Variants in VAPA observed in about 807,000 individuals in gnomAD.
VAPA encodes vesicle-associated membrane protein-associated protein A.
Under a neutral mutation model 25.6 loss-of-function variants are expected in VAPA, and 6 were observed. The observed-to-expected ratio is 0.23, with a 90% CI of 0.13 to 0.46. The LOEUF (loss-of-function observed/expected upper bound fraction) is 0.46, where lower values mean the gene tolerates loss of function less well. VAPA is among the 20% of genes least tolerant of loss of function. VAPA has a pLI of 0.99. For synonymous variants in VAPA, 112 were observed against 106.2 expected (o/e 1.05, Z -0.34); for missense variants, 244 against 302.1 (o/e 0.81, Z 1.43).
chr18:9,945,128 G>T, intron 4 of VAPA: 3 of 1,526,314 alleles, frequency 2.0e-6, no homozygotes, highest in Non-Finnish European at 2.7e-6. Flanking sequence ...TAGATACCTA[G>T]CAGATAAGTG....
At chr18:9,924,766 A>G (rs1437088205) in intron 1 of VAPA, 2 of 152,162 alleles carry the variant, frequency 1.3e-5, no homozygotes, top group African/African-American at 4.8e-5. Flanking sequence ...CATTTTGCCT[A>G]CAAATTCTAA....
intron 1 of VAPA, among the ~76,000 whole-genome samples, chr18:9,916,994 A>G (rs770379123): frequency 1.8e-4 from 27 of 152,190 alleles, no homozygotes; most frequent in Admixed American, 9.2e-4. Flanking sequence ...GACACCAACT[A>G]TTTCAGTACA....
chr18:9,921,839 A>T (rs532767061), intron 1 of VAPA, among the ~76,000 whole-genome samples: 1 of 152,344 alleles, frequency 6.6e-6, no homozygotes, highest in African/African-American at 2.4e-5. Flanking sequence ...TAAGTTTTAA[A>T]CGTTTGAAAA....
intron 4 of VAPA, chr18:9,945,098 T>G: frequency 1.2e-6 from 2 of 1,605,218 alleles, no homozygotes; most frequent in Non-Finnish European, 1.7e-6. Context: ...AGTCTACTAG[T>G]GTCAATGGTT....
Position 9,918,124 on chromosome 18 carries a change from A to G in VAPA, c.79+3789A>G, listed in dbSNP as rs1415023982. On this transcript the variant is annotated intron_variant, in intron 1 of 5. Coordinates refer to ENST00000400000, the MANE Select transcript of VAPA (RefSeq NM_194434.3). ...GAAAGAAAAACCCTGCTCATACCCA[A>G]GGTTCTTTGTTCCTCTATTTTTGCT... Among the ~76,000 whole-genome samples the G allele has an allele frequency of 2.6e-5, 4 of 152,162 alleles. No homozygotes were observed. In the South Asian group the frequency reaches 6.2e-4, roughly 24 times the overall value.
At chr18:9,953,928 C>G in intron 5 of VAPA, 125 bp from the exon 6 acceptor site, 1 of 1,131,840 alleles carries the variant, frequency 8.8e-7, no homozygotes, top group Non-Finnish European at 1.3e-6. Flanking sequence ...GCAGTTAATC[C>G]CCTTTTCCGT....
At position 9,954,394 on chromosome 18, in the gene VAPA, C is replaced by A; in HGVS notation, c.*183C>A. The stretch of plus-strand genomic sequence containing the variant: ...GAAAACACAATAAAAACAAACTGTT[C>A]GGCTACTGGACAGGTTGTATATTAC... On this transcript the variant is annotated 3_prime_UTR_variant, in exon 6 of 6. Coordinates refer to ENST00000400000, the MANE Select transcript of VAPA (RefSeq NM_194434.3). The A allele has an allele frequency of 1.8e-6, 1 of 569,260 alleles. No homozygotes were observed. Among genetic ancestry groups the A allele is most frequent in the South Asian group, 2.5e-5 (1 of 40,814 alleles). 35.3% of individuals were successfully genotyped at this position (569,260 alleles called of 1,614,324 possible).
chr18:9,940,109 C>T (rs541132402), intron 4 of VAPA, among the ~76,000 whole-genome samples: 2 of 152,288 alleles, frequency 1.3e-5, no homozygotes, highest in South Asian at 2.1e-4. Context: ...CATCCCACCT[C>T]GTGATGTACA....
chr18:9,945,033 G>A (rs148377459), intron 4 of VAPA: 1 of 1,614,118 alleles, frequency 6.2e-7, no homozygotes, highest in East Asian at 2.2e-5. Context: ...AGGGGACTCA[G>A]TGTGTTGAAA....
chr18:9,951,664 T>C (rs1253914986), intron 5 of VAPA, among the ~76,000 whole-genome samples: 1 of 152,134 alleles, frequency 6.6e-6, no homozygotes, highest in Non-Finnish European at 1.5e-5. Context: ...TCTCTAGGCT[T>C]TGTTTGAAGC....
chr18:9,955,578 G>T lies in VAPA; in HGVS notation c.*1367G>T, dbSNP rs534473481. 1.3e-5 allele frequency: 2 copies of T among 152,018 alleles called. No homozygotes were observed. Among genetic ancestry groups the T allele is most frequent in the Non-Finnish European group, 2.9e-5 (2 of 67,994 alleles). 9.4% of individuals were successfully genotyped at this position (152,018 alleles called of 1,614,324 possible). A position where few individuals can be genotyped will look rare whatever the true frequency, so the allele number is the denominator to read the frequency against. On this transcript the variant is annotated 3_prime_UTR_variant, in exon 6 of 6. Transcript: ENST00000400000. ...TGTTGGCTCTTTTTTTAAAAGATGC[G>T]CTCTACCTGAAAAGGAAATTGGATT...
chr18:9,921,983 A>G (rs773226901), intron 1 of VAPA, among the ~76,000 whole-genome samples: 3 of 151,900 alleles, frequency 2.0e-5, no homozygotes, highest in Non-Finnish European at 4.4e-5. Context: ...GTTTGCCTCC[A>G]TGTTTGTATT....
chr18:9,920,591 C>T (rs1370058767), intron 1 of VAPA, among the ~76,000 whole-genome samples: 1 of 152,234 alleles, frequency 6.6e-6, no homozygotes, highest in Non-Finnish European at 1.5e-5. Context: ...AGCCACTGTG[C>T]CCAGCCTCCT....
At chr18:9,930,013 A>G (rs890689437) in intron 1 of VAPA, among the ~76,000 whole-genome samples, 1 of 152,160 alleles carries the variant, frequency 6.6e-6, no homozygotes, top group Non-Finnish European at 1.5e-5. Flanking sequence ...TGTAAATACT[A>G]TTTCAGAATT....
In VAPA at chr18:9,914,181, G is replaced by A. The variant is rs2069088414; in HGVS notation, c.-76G>A. ...CCTCGTCCTAGAGCTCGGCCGAGCC[G>A]TCGCCGCCGTCGTCCCCCGCCCCCA... On this transcript the variant is annotated 5_prime_UTR_variant, in exon 1 of 6. Transcript: ENST00000400000. 1.1e-5 allele frequency: 15 copies of A among 1,369,142 alleles called. No homozygotes were observed. The highest frequency in any genetic ancestry group is 2.2e-5 in the Admixed American group (1 of 45,458). The allele number at this position is 1,369,142 out of a possible 1,614,324, so 84.8% of individuals were successfully genotyped here. A position where few individuals can be genotyped will look rare whatever the true frequency, so the allele number is the denominator to read the frequency against.
rs146081880 is a variant in VAPA at position 9,935,920 on chromosome 18, T to C, written c.233-190T>C. ...TTAAGTTGATTCTTAAACATTCCAG[T>C]GTTTGGTTTCTTGAACCCTTCTTGG... On this transcript the variant is annotated intron_variant, in intron 2 of 5. Transcript: ENST00000400000. Among the ~76,000 whole-genome samples the C allele has an allele frequency of 3.1e-3, 471 of 152,306 alleles. 6 individuals carry two copies. The highest frequency in any genetic ancestry group is 0.011 in the African/African-American group (448 of 41,558).
intron 4 of VAPA, among the ~76,000 whole-genome samples, chr18:9,942,179 A>G (rs1217228068): frequency 6.6e-6 from 1 of 152,074 alleles, no homozygotes; most frequent in East Asian, 1.9e-4. Flanking sequence ...TTACACCTTT[A>G]TTTTTTGTTT....
Position 9,957,456 on chromosome 18 carries a change from T to C in VAPA, c.*3245T>C, listed in dbSNP as rs940109627. On this transcript the variant is annotated 3_prime_UTR_variant, in exon 6 of 6. Coordinates refer to ENST00000400000, the MANE Select transcript of VAPA (RefSeq NM_194434.3). ...AAGTTTTAACAGTAGGGTAAAAATATAGTTTTTGAGGGTATTCCCAACTTG... is the reference window on the plus strand; with the variant it reads ...AAGTTTTAACAGTAGGGTAAAAATACAGTTTTTGAGGGTATTCCCAACTTG... 4.8e-4 allele frequency: 73 copies of C among 152,214 alleles called. No homozygotes were observed. Among genetic ancestry groups the C allele is most frequent in the African/African-American group, 1.6e-3 (67 of 41,450 alleles). The allele number at this position is 152,214 out of a possible 1,614,324, so 9.4% of individuals were successfully genotyped here.
intron 3 of VAPA, chr18:9,936,574 CAAA>C (rs1052019093): frequency 2.0e-5 from 4 of 196,556 alleles, no homozygotes; most frequent in Admixed American, 1.2e-4. Context: ...AAACAAAAAA[CAAA>C]AAAAACCACC....
Sources: allele counts gnomAD v4.1 joint callset (sites outside exome capture counted in the v4.1 genomes callset), GRCh38; gene constraint gnomAD v4.1.1; transcripts MANE v1.5; gene names NCBI Gene and HGNC (gene_info 2026-07-23, HGNC 2026-07-21).